Variants in RIMS2 observed in about 807,000 individuals in gnomAD.
The protein encoded by RIMS2 is regulating synaptic membrane exocytosis 2.
In RIMS2, 59 loss-of-function variants were observed where a neutral mutation model predicts 174.4. That is an observed-to-expected ratio of 0.34 (90% CI 0.27 to 0.42). RIMS2 has a LOEUF of 0.42. Ranked by LOEUF, RIMS2 falls within the 10% of genes least tolerant of loss-of-function variation. RIMS2 has a pLI of 1.00. For missense variants in RIMS2, 1,620 were observed against 1,666.3 expected (o/e 0.97, Z 0.48); for synonymous variants, 606 against 572.5 (o/e 1.06, Z -0.84).
intron 10 of RIMS2, among the ~76,000 whole-genome samples, chr8:103,925,368 G>A (rs1404372414): frequency 1.3e-5 from 2 of 151,382 alleles, no homozygotes; most frequent in Non-Finnish European, 3.0e-5. Context: ...TTTAAGGAGA[G>A]GTATGTGTCC....
chr8:103,853,634 T>G (rs2099011304), intron 3 of RIMS2, among the ~76,000 whole-genome samples: 1 of 152,118 alleles, frequency 6.6e-6, no homozygotes. Flanking sequence ...GTTTATTGAG[T>G]AGGGAGTTCA....
At chr8:103,518,052 G>T (rs555055409) in intron 1 of RIMS2, among the ~76,000 whole-genome samples, 1 of 152,212 alleles carries the variant, frequency 6.6e-6, no homozygotes, top group African/African-American at 2.4e-5. Context: ...ACTATGACAT[G>T]CAGGCAGCCT....
intron 1 of RIMS2, among the ~76,000 whole-genome samples, chr8:103,584,973 G>C (rs886600008): frequency 2.6e-5 from 4 of 152,088 alleles, no homozygotes; most frequent in Non-Finnish European, 5.9e-5. Context: ...CCATTTATCT[G>C]TTGCCTAAAA....
At chr8:103,749,190 C>A (rs1437375581) in intron 2 of RIMS2, among the ~76,000 whole-genome samples, 1 of 151,310 alleles carries the variant, frequency 6.6e-6, no homozygotes, top group Non-Finnish European at 1.5e-5. Flanking sequence ...CGGCTTACTG[C>A]AAGCTCCGCC....
At chr8:103,581,786 A>T (rs1300848805) in intron 1 of RIMS2, among the ~76,000 whole-genome samples, 6 of 152,214 alleles carry the variant, frequency 3.9e-5, no homozygotes, top group African/African-American at 1.4e-4. Context: ...CTCCCCCATA[A>T]GGATACCTCA....
intron 1 of RIMS2, among the ~76,000 whole-genome samples, chr8:103,530,087 C>T (rs141034429): frequency 1.6e-4 from 24 of 152,084 alleles, no homozygotes; most frequent in Admixed American, 4.6e-4. Flanking sequence ...TATCTTAGTG[C>T]GTTTTAAATA....
intron 19 of RIMS2, among the ~76,000 whole-genome samples, chr8:104,150,350 A>G (rs2098679373): frequency 6.6e-6 from 1 of 152,226 alleles, no homozygotes; most frequent in South Asian, 2.1e-4. Context: ...ACACATGAAG[A>G]AAAAAGATGA....
intron 2 of RIMS2, among the ~76,000 whole-genome samples, chr8:103,763,052 C>T (rs945822863): frequency 6.6e-6 from 1 of 151,682 alleles, no homozygotes; most frequent in African/African-American, 2.4e-5. Context: ...ATCCGGAATT[C>T]CTGAGCTTAA....
At chr8:103,528,332 T>G (rs1375848989) in intron 1 of RIMS2, among the ~76,000 whole-genome samples, 2 of 152,156 alleles carry the variant, frequency 1.3e-5, no homozygotes, top group Admixed American at 1.3e-4. Flanking sequence ...TTTCTTCCAT[T>G]CTGTAGGTTG....
chr8:104,253,986 T>G (rs985497887), downstream of RIMS2: 1 of 152,158 alleles, frequency 6.6e-6, no homozygotes, highest in Non-Finnish European at 1.5e-5. Flanking sequence ...TTAAAATAAT[T>G]TAGACACCTG....
At chr8:103,875,899 C>G (rs889410621) in intron 3 of RIMS2, among the ~76,000 whole-genome samples, 5 of 151,878 alleles carry the variant, frequency 3.3e-5, no homozygotes, top group Non-Finnish European at 7.4e-5. Context: ...TTGGCAACTT[C>G]TATATCTTCT....
chr8:103,761,458 C>T (rs2098112368), intron 2 of RIMS2, among the ~76,000 whole-genome samples: 1 of 152,240 alleles, frequency 6.6e-6, no homozygotes, highest in East Asian at 1.9e-4. Context: ...CAGCTGAGTG[C>T]TCTCCTCCTA....
chr8:103,633,377 C>T (rs771180103), intron 1 of RIMS2, among the ~76,000 whole-genome samples: 31 of 152,002 alleles, frequency 2.0e-4, no homozygotes, highest in Non-Finnish European at 3.8e-4. Flanking sequence ...AAACTTGCAT[C>T]CTGGGGATGA....
chr8:103,910,289 A>ATCTT (rs1229583493), intron 5 of RIMS2, 32 bp from the exon 8 acceptor site: 2 of 1,328,064 alleles, frequency 1.5e-6, no homozygotes, highest in Admixed American at 4.1e-5. Context: ...TCTTTTTTGT[A>ATCTT]TCTTTTTTTT....
intron 1 of RIMS2, among the ~76,000 whole-genome samples, chr8:103,681,360 T>A (rs1183026285): frequency 1.3e-5 from 2 of 151,948 alleles, no homozygotes; most frequent in Non-Finnish European, 2.9e-5. Flanking sequence ...TAAATGGAAA[T>A]AAGTAAATGG....
intron 19 of RIMS2, among the ~76,000 whole-genome samples, chr8:104,025,802 A>G (rs2096244631): frequency 6.6e-6 from 1 of 152,008 alleles, no homozygotes; most frequent in African/African-American, 2.4e-5. Flanking sequence ...TCATAATATT[A>G]TCATACTGTG....
chr8:104,087,378 C>CATGG (rs904414617), intron 19 of RIMS2, among the ~76,000 whole-genome samples: 60 of 151,978 alleles, frequency 3.9e-4, no homozygotes, highest in African/African-American at 7.7e-4. Flanking sequence ...ATGATTGATA[C>CATGG]ATGGATGGAT....
intron 17 of RIMS2, among the ~76,000 whole-genome samples, chr8:104,007,663 T>G (rs1329553040): frequency 1.3e-5 from 2 of 152,200 alleles, no homozygotes; most frequent in Non-Finnish European, 2.9e-5. Context: ...CATCTCTTAG[T>G]TGGCCTCTGT....
chr8:104,025,708 T>TACACACACACAC (rs34638633), intron 19 of RIMS2, among the ~76,000 whole-genome samples: 115 of 149,374 alleles, frequency 7.7e-4, no homozygotes, highest in Non-Finnish European at 1.4e-3. Context: ...GTTAAACGTA[T>TACACACACACAC]ACACACACAC....
Sources: gnomAD v4.1 joint callset for allele counts (sites outside exome capture counted in the v4.1 genomes callset) on GRCh38, gnomAD v4.1.1 for gene constraint, MANE v1.5 for transcripts, NCBI Gene and HGNC (gene_info 2026-07-23, HGNC 2026-07-21) for gene names.